Variants in FBXO38 observed in about 807,000 individuals in gnomAD.
FBXO38 encodes F-box protein 38, also known as F-box only protein 38.
In FBXO38, 53 loss-of-function variants were observed where a neutral mutation model predicts 131.9. The ratio of observed to expected loss-of-function variants is 0.40; its 90% CI spans 0.32 to 0.51. FBXO38 has a LOEUF of 0.51. Among genes scored for constraint, FBXO38 ranks in the 20% least tolerant of loss-of-function variants. The pLI, the probability that FBXO38 is intolerant of heterozygous loss-of-function variation, is 0.53. For missense variants in FBXO38, 1,076 were observed against 1,475.6 expected (o/e 0.73, Z 4.44); for synonymous variants, 452 against 505.6 (o/e 0.89, Z 1.42).
At chr5:148,423,278 C>T (rs1026258151) in intron 12 of FBXO38, among the ~76,000 whole-genome samples, 4 of 152,176 alleles carry the variant, frequency 2.6e-5, no homozygotes, top group African/African-American at 7.2e-5. Context: ...AGAAACTCCT[C>T]AGGTTAAATC....
chr5:148,388,667 C>A (rs191608751), intron 1 of FBXO38, among the ~76,000 whole-genome samples: 1 of 152,198 alleles, frequency 6.6e-6, no homozygotes, highest in African/African-American at 2.4e-5. Context: ...TCACCTCTCT[C>A]GGCCTTCATA....
chr5:148,439,548 C>T, intron 18 of FBXO38, 99 bp from the exon 19 acceptor site: 1 of 1,140,314 alleles, frequency 8.8e-7, no homozygotes, highest in Non-Finnish European at 1.2e-6. Context: ...CCAGAGATTT[C>T]AAAACTGAAG....
rs185703887 is a variant in FBXO38, at chr5:148,395,837, C to G, written c.128+933C>G. On this transcript the variant is annotated intron_variant, in intron 2 of 21. Coordinates refer to ENST00000340253, the MANE Select transcript of FBXO38 (RefSeq NM_205836.3). ...AAATAACATGGTACTTATCATTTCC[C>G]TTGTCTGACATCTAGATAGTTTTCA... Among the ~76,000 whole-genome samples the G allele has an allele frequency of 7.9e-5, 12 of 151,858 alleles. No homozygotes were observed. In the East Asian group the frequency reaches 2.3e-3, roughly 29 times the overall value.
At chr5:148,394,943 A>T in intron 2 of FBXO38, 39 bp downstream of exon 2, 2 of 1,529,518 alleles carry the variant, frequency 1.3e-6, no homozygotes, top group Non-Finnish European at 1.8e-6. Context: ...CCTGGAATGG[A>T]TAAGAGCAAA....
chr5:148,441,905 T>G, intron 21 of FBXO38, 64 bp from the exon 22 acceptor site: 1 of 1,413,814 alleles, frequency 7.1e-7, no homozygotes, highest in Non-Finnish European at 9.7e-7. Flanking sequence ...GACCAGCTTA[T>G]CAGTGATTTT....
chr5:148,435,598 C>T (rs547136250), intron 17 of FBXO38, among the ~76,000 whole-genome samples: 1 of 152,192 alleles, frequency 6.6e-6, no homozygotes, highest in East Asian at 1.9e-4. Flanking sequence ...GGTGAAACCC[C>T]GTCTCACTAA....
At chr5:148,423,911 C>T in intron 12 of FBXO38, 87 bp from the exon 13 acceptor site, 1 of 1,256,852 alleles carries the variant, frequency 8.0e-7, no homozygotes, top group South Asian at 1.4e-5. Context: ...CGGGACTGTT[C>T]AGTTCTTAGG....
Position 148,442,201 on chromosome 5 carries a change from G to C in FBXO38, c.*54G>C. 1 of 1,556,596 alleles carries C rather than the reference G, an allele frequency of 6.4e-7. No individual in the cohort carries two copies. Among genetic ancestry groups the C allele is most frequent in the South Asian group, 1.2e-5 (1 of 85,300 alleles). Reference sequence around the variant, plus strand: ...GTCAGAAAGCAAGTAGGGCCATCCAGCTGCCAGAGTGCTCCACAGGGACTT... The same window carrying C: ...GTCAGAAAGCAAGTAGGGCCATCCACCTGCCAGAGTGCTCCACAGGGACTT... On this transcript the variant is annotated 3_prime_UTR_variant, in exon 22 of 22. Transcript: ENST00000340253.
chr5:148,407,458 T>C (rs1752502212), intron 7 of FBXO38, among the ~76,000 whole-genome samples: 1 of 152,160 alleles, frequency 6.6e-6, no homozygotes, highest in Non-Finnish European at 1.5e-5. Context: ...GAGAACAATT[T>C]TGAAATGAAA....
chr5:148,406,368 A>G lies in FBXO38; in HGVS notation c.842A>G (p.His281Arg). ...RVPFLGGLIQ[H>R]VVEDSWRSGG... Reference sequence around the variant, plus strand: ...CCTTTCCTTGGAGGTCTTATCCAACATGTTGTTGAAGACAGTTGGAGATCA... The same window carrying G: ...CCTTTCCTTGGAGGTCTTATCCAACGTGTTGTTGAAGACAGTTGGAGATCA... Residue 281 changes from histidine to arginine, a missense_variant, in exon 7 of 22, where the codon CAT becomes CGT. Physicochemically the swap from His to Arg is conservative, Grantham distance 29. Coordinates refer to ENST00000340253, the MANE Select transcript of FBXO38 (RefSeq NM_205836.3). 1 of 1,595,898 alleles carries G rather than the reference A, an allele frequency of 6.3e-7. No homozygotes were observed. The highest frequency in any genetic ancestry group is 1.2e-5 in the South Asian group (1 of 86,806).
intron 7 of FBXO38, among the ~76,000 whole-genome samples, chr5:148,407,099 A>G (rs1752484654): frequency 1.3e-5 from 2 of 152,246 alleles, no homozygotes; most frequent in South Asian, 4.1e-4. Flanking sequence ...AATATAATGA[A>G]GAGTAAACAC....
At chr5:148,395,181 A>G (rs767496130) in intron 2 of FBXO38, among the ~76,000 whole-genome samples, 1 of 152,088 alleles carries the variant, frequency 6.6e-6, no homozygotes, top group Non-Finnish European at 1.5e-5. Context: ...GACTGTTAAC[A>G]TTTCTAGGCT....
intron 9 of FBXO38, among the ~76,000 whole-genome samples, chr5:148,411,979 G>T (rs1328169814): frequency 6.6e-6 from 1 of 152,090 alleles, no homozygotes; most frequent in Non-Finnish European, 1.5e-5. Context: ...TTGACAAATT[G>T]TGTACCTTCA....
chr5:148,424,125 T>A lies in FBXO38; in HGVS notation c.1738+8T>A, dbSNP rs369463389. 77 of 1,610,060 alleles carry A rather than the reference T, an allele frequency of 4.8e-5. No homozygotes were observed. The highest frequency in any genetic ancestry group is 3.8e-5 in the Non-Finnish European group (45 of 1,178,190). ...TTGATGAGGAACAAGCAGGTAATCATGTGATCCATCCCACATTCATCATTC... is the reference window on the plus strand; with the variant it reads ...TTGATGAGGAACAAGCAGGTAATCAAGTGATCCATCCCACATTCATCATTC... On this transcript the variant is annotated splice_region_variant and intron_variant, in intron 13 of 21. Coordinates refer to ENST00000340253, the MANE Select transcript of FBXO38 (RefSeq NM_205836.3).
chr5:148,432,598 T>C (rs542466670), intron 15 of FBXO38, among the ~76,000 whole-genome samples: 2 of 152,230 alleles, frequency 1.3e-5, no homozygotes, highest in African/African-American at 2.4e-5. Context: ...GTAAAACCCT[T>C]AGAACAGTGC....
intron 10 of FBXO38, 79 bp downstream of exon 10, chr5:148,414,385 T>C (rs1752935829): frequency 4.1e-6 from 5 of 1,224,522 alleles, no homozygotes; most frequent in Non-Finnish European, 4.5e-6. Context: ...ATGTGTGATA[T>C]GATTGCATTC....
chr5:148,394,102 C>G (rs1758352944), intron 1 of FBXO38, among the ~76,000 whole-genome samples: 1 of 152,150 alleles, frequency 6.6e-6, no homozygotes, highest in South Asian at 2.1e-4. Flanking sequence ...TTCATTCTTT[C>G]TCTGAAGTTG....
At chr5:148,439,415 G>A (rs1754543948) in intron 18 of FBXO38, among the ~76,000 whole-genome samples, 1 of 152,150 alleles carries the variant, frequency 6.6e-6, no homozygotes, top group East Asian at 1.9e-4. Flanking sequence ...GGTTTAGTAG[G>A]CATTTAAATA....
At chr5:148,425,802 G>A (rs1226693916) in intron 14 of FBXO38, 101 bp downstream of exon 14, 29 of 1,006,168 alleles carry the variant, frequency 2.9e-5, no homozygotes, top group African/African-American at 3.3e-5. Context: ...CATATATTAC[G>A]GAATGTGACA....
Sources: gnomAD v4.1 joint callset for allele counts (sites outside exome capture counted in the v4.1 genomes callset) on GRCh38, gnomAD v4.1.1 for gene constraint, MANE v1.5 for transcripts, NCBI Gene and HGNC (gene_info 2026-07-23, HGNC 2026-07-21) for gene names.